Variants in UST observed in about 807,000 individuals in gnomAD.
The protein encoded by UST is chondroitin sulfate 2-O-sulfotransferase.
Under a neutral mutation model 45.6 loss-of-function variants are expected in UST, and 21 were observed. That is an observed-to-expected ratio of 0.46 (90% CI 0.33 to 0.66). The LOEUF (loss-of-function observed/expected upper bound fraction) is 0.66, where lower values mean the gene tolerates loss of function less well. Among genes scored for constraint, UST ranks in the 30% least tolerant of loss-of-function variants. UST has a pLI of 0.02. For missense variants in UST, 463 were observed against 512.4 expected (o/e 0.90, Z 0.93); for synonymous variants, 215 against 200.6 (o/e 1.07, Z -0.61).
chr6:148,985,866 G>A (rs1781229709), intron 5 of UST, among the ~76,000 whole-genome samples: 1 of 152,182 alleles, frequency 6.6e-6, no homozygotes, highest in Non-Finnish European at 1.5e-5. Context: ...TCTTCAAGAT[G>A]CAGATACCAA....
intron 2 of UST, among the ~76,000 whole-genome samples, 176 bp from the exon 3 acceptor site, chr6:148,941,103 A>T (rs1420638977): frequency 6.6e-6 from 1 of 152,268 alleles, no homozygotes; most frequent in African/African-American, 2.4e-5. Context: ...TATCATGAAG[A>T]TAAATATAGT....
chr6:148,830,326 A>G (rs1777659202), intron 1 of UST, among the ~76,000 whole-genome samples: 2 of 152,206 alleles, frequency 1.3e-5, no homozygotes, highest in South Asian at 2.1e-4. Context: ...TCATTTCTAC[A>G]TTTATAGTAT....
At chr6:148,771,275 A>G (rs1468214765) in intron 1 of UST, among the ~76,000 whole-genome samples, 2 of 152,062 alleles carry the variant, frequency 1.3e-5, no homozygotes, top group Non-Finnish European at 2.9e-5. Context: ...AGGCAGATTT[A>G]TTTTCTTTGT....
At chr6:148,939,354 A>G (rs535711463) in intron 2 of UST, among the ~76,000 whole-genome samples, 1 of 152,324 alleles carries the variant, frequency 6.6e-6, no homozygotes, top group African/African-American at 2.4e-5. Flanking sequence ...CTGACCCTAA[A>G]GTTCACATGG....
intron 2 of UST, among the ~76,000 whole-genome samples, chr6:148,912,304 A>G (rs1779491600): frequency 6.6e-6 from 1 of 152,258 alleles, no homozygotes; most frequent in Admixed American, 6.5e-5. Context: ...TACCTCAGTG[A>G]AAGTTTCAAT....
At chr6:148,759,545 A>T (rs1048111481) in intron 1 of UST, among the ~76,000 whole-genome samples, 1 of 144,926 alleles carries the variant, frequency 6.9e-6, no homozygotes, top group African/African-American at 2.6e-5. Context: ...TAAATAAATA[A>T]AAATAAAAAA....
At chr6:149,062,569 C>A (rs1456499885) in intron 7 of UST, among the ~76,000 whole-genome samples, 2 of 152,216 alleles carry the variant, frequency 1.3e-5, no homozygotes, top group East Asian at 3.8e-4. Flanking sequence ...CTTACCAAAG[C>A]ATTCCCCTCA....
chr6:149,001,708 G>A (rs140292255), intron 5 of UST, among the ~76,000 whole-genome samples: 60 of 152,250 alleles, frequency 3.9e-4, no homozygotes, highest in African/African-American at 1.4e-3. Flanking sequence ...ATTAAAAGAT[G>A]AATTATGGGG....
rs143976668 is a variant in UST, at chr6:148,787,935, T to C, written c.247+40258T>C. Among the ~76,000 whole-genome samples the C allele has an allele frequency of 8.6e-3, 1,309 of 152,352 alleles. 14 individuals are homozygous for C. The highest frequency in any genetic ancestry group is 0.029 in the African/African-American group (1,221 of 41,584). ...TTAGATCATTTTAAAATAGTTTACA[T>C]TCTTGAATTTTTAAGTCAGTTTTAA... On this transcript the variant is annotated intron_variant, in intron 1 of 7. Coordinates refer to ENST00000367463, the MANE Select transcript of UST (RefSeq NM_005715.3).
At chr6:149,014,875 C>T (rs1162215218) in intron 5 of UST, among the ~76,000 whole-genome samples, 2 of 152,174 alleles carry the variant, frequency 1.3e-5, no homozygotes, top group African/African-American at 4.8e-5. Flanking sequence ...TCAGGTGCCC[C>T]ATTGTTATCC....
chr6:148,787,441 A>G (rs573186230), intron 1 of UST, among the ~76,000 whole-genome samples: 1 of 152,354 alleles, frequency 6.6e-6, no homozygotes, highest in African/African-American at 2.4e-5. Flanking sequence ...TTTATTAAAT[A>G]GGAAATCCTT....
In UST at chr6:149,063,152, G is replaced by A. The variant is rs371895471; in HGVS notation, c.938-10681G>A. Among the ~76,000 whole-genome samples, 5 of 152,270 alleles carry A rather than the reference G, an allele frequency of 3.3e-5. 1 individual carries two copies. Among genetic ancestry groups the A allele is most frequent in the Admixed American group, 2.0e-4 (3 of 15,300 alleles). ...CTCCCCAGGGACAGCGCAGAGCCTG[G>A]AAGTCTATCCCCCTGTGGCCCTGAC... On this transcript the variant is annotated intron_variant, in intron 7 of 7. Transcript: ENST00000367463.
chr6:148,966,526 C>T (rs1451526029), intron 5 of UST, among the ~76,000 whole-genome samples: 1 of 152,130 alleles, frequency 6.6e-6, no homozygotes, highest in Non-Finnish European at 1.5e-5. Context: ...TACAGAAACA[C>T]GTCTTATGAA....
intron 1 of UST, among the ~76,000 whole-genome samples, chr6:148,867,270 T>C (rs1227888363): frequency 6.7e-6 from 1 of 148,404 alleles, no homozygotes; most frequent in Non-Finnish European, 1.5e-5. Context: ...TACCTTTCTT[T>C]GAGGCATTGT....
intron 1 of UST, among the ~76,000 whole-genome samples, chr6:148,875,550 C>T (rs1295724082): frequency 2.0e-5 from 3 of 152,188 alleles, no homozygotes; most frequent in Non-Finnish European, 2.9e-5. Flanking sequence ...CGCCTGTAAT[C>T]CCAGCATTTT....
chr6:148,959,320 A>G (rs1000842436), intron 4 of UST, among the ~76,000 whole-genome samples: 3 of 152,242 alleles, frequency 2.0e-5, no homozygotes, highest in Admixed American at 6.5e-5. Flanking sequence ...TTCTTAGCCA[A>G]GTGACCAATT....
chr6:149,050,112 G>A, intron 7 of UST, among the ~76,000 whole-genome samples: 1 of 152,072 alleles, frequency 6.6e-6, no homozygotes, highest in Non-Finnish European at 1.5e-5. Flanking sequence ...ACCATTAAGG[G>A]CAGGACTTGG....
At chr6:148,938,946 C>T (rs1171523759) in intron 2 of UST, among the ~76,000 whole-genome samples, 1 of 151,884 alleles carries the variant, frequency 6.6e-6, no homozygotes, top group Non-Finnish European at 1.5e-5. Flanking sequence ...TCTCTGTTTG[C>T]ACATAGCATG....
At chr6:149,065,446 G>C (rs1164283311) in intron 7 of UST, among the ~76,000 whole-genome samples, 1 of 152,160 alleles carries the variant, frequency 6.6e-6, no homozygotes, top group Non-Finnish European at 1.5e-5. Context: ...AGATTTTTAA[G>C]AATTCTCTGC....
Sources: allele counts gnomAD v4.1 joint callset (sites outside exome capture counted in the v4.1 genomes callset), GRCh38; gene constraint gnomAD v4.1.1; transcripts MANE v1.5; gene names NCBI Gene and HGNC (gene_info 2026-07-23, HGNC 2026-07-21).